Variants in GRK5 observed in about 807,000 individuals in gnomAD.
GRK5 encodes G protein-coupled receptor kinase 5.
In GRK5, 40 loss-of-function variants were observed where a neutral mutation model predicts 78.4. The ratio of observed to expected loss-of-function variants is 0.51; its 90% CI spans 0.40 to 0.66. The LOEUF (loss-of-function observed/expected upper bound fraction) is 0.66. GRK5 is among the 30% of genes least tolerant of loss of function. The pLI, the probability that GRK5 is intolerant of heterozygous loss-of-function variation, is 0.00. For synonymous variants in GRK5, 289 were observed against 296.8 expected (o/e 0.97, Z 0.27); for missense variants, 598 against 759.9 (o/e 0.79, Z 2.50).
intron 1 of GRK5, among the ~76,000 whole-genome samples, chr10:119,304,591 C>A (rs1359270056): frequency 6.6e-6 from 1 of 152,166 alleles, no homozygotes; most frequent in Non-Finnish European, 1.5e-5. Flanking sequence ...GCTCAAAGAG[C>A]TTTTGGCCTA....
At chr10:119,266,928 C>A (rs1237569786) in intron 1 of GRK5, among the ~76,000 whole-genome samples, 4 of 151,958 alleles carry the variant, frequency 2.6e-5, no homozygotes, top group Non-Finnish European at 5.9e-5. Flanking sequence ...GCGTGTGCCA[C>A]CATGCCCAGT....
intron 5 of GRK5, 119 bp downstream of exon 5, chr10:119,423,385 C>G (rs1298167135): frequency 1.2e-5 from 8 of 674,602 alleles, no homozygotes; most frequent in Admixed American, 2.4e-5. Context: ...CAGCTTCAGC[C>G]AAGTTATACC....
intron 1 of GRK5, among the ~76,000 whole-genome samples, chr10:119,292,049 T>C (rs1051647554): frequency 5.6e-4 from 19 of 34,002 alleles, no homozygotes; most frequent in East Asian, 1.1e-3. Context: ...TCTTCCTCCT[T>C]CTCCTCCTCC....
At chr10:119,306,333 A>C (rs1850271639) in intron 1 of GRK5, among the ~76,000 whole-genome samples, 1 of 152,178 alleles carries the variant, frequency 6.6e-6, no homozygotes, top group African/African-American at 2.4e-5. Context: ...CCTGAACTGC[A>C]CACACCGATA....
chr10:119,347,694 C>A (rs1250576249), intron 2 of GRK5, among the ~76,000 whole-genome samples: 1 of 152,232 alleles, frequency 6.6e-6, no homozygotes, highest in Non-Finnish European at 1.5e-5. Flanking sequence ...CAGCCCTGGG[C>A]CTTAAGCCAG....
chr10:119,409,874 C>T (rs1041483233), intron 4 of GRK5, among the ~76,000 whole-genome samples: 2 of 152,210 alleles, frequency 1.3e-5, no homozygotes, highest in Admixed American at 1.3e-4. Flanking sequence ...GGGACACTCC[C>T]CACCGTTTCC....
rs544088426 is a variant in GRK5 at position 119,455,180 on chromosome 10, C to T, written c.*113C>T. The T allele has an allele frequency of 2.7e-4, 231 of 868,298 alleles. No individual in the cohort carries two copies. In the Middle Eastern group the frequency reaches 3.0e-3, roughly 11 times the overall value. The allele number at this position is 868,298 out of a possible 1,614,324, so 53.8% of individuals were successfully genotyped here. Reference sequence around the variant, plus strand: ...GGCTGCCAGGGGAGACCCCGGGAGCCGGGGAAGGAGGCCGTCCATCCCGTC... The same window carrying T: ...GGCTGCCAGGGGAGACCCCGGGAGCTGGGGAAGGAGGCCGTCCATCCCGTC... On this transcript the variant is annotated 3_prime_UTR_variant, in exon 16 of 16. Transcript: ENST00000392870.
intron 1 of GRK5, among the ~76,000 whole-genome samples, chr10:119,320,759 A>G (rs772301350): frequency 6.6e-6 from 1 of 152,262 alleles, no homozygotes; most frequent in African/African-American, 2.4e-5. Context: ...GAATGGGACC[A>G]AGGAGAACGG....
rs952481086 is a variant in GRK5, at chr10:119,448,146, G to A, written c.1290G>A (p.Gln430=). The A allele has an allele frequency of 4.5e-6, 7 of 1,562,402 alleles. No homozygotes were observed. Among genetic ancestry groups the A allele is most frequent in the Non-Finnish European group, 5.2e-6 (6 of 1,160,660 alleles). Residue 430 remains glutamine (Q), a synonymous_variant, in exon 13 of 16, where the codon CAG becomes CAA. Transcript: ENST00000392870. The part of the protein sequence containing the change: ...CKMLLTKDAK[Q]RLGCQEEGAA... ...AGCTGCTCACGAAAGATGCGAAGCA[G>A]AGGCTGGGCTGCCAGGAGGAGGGGG...
At chr10:119,219,024 A>G (rs1564852318) in intron 1 of GRK5, among the ~76,000 whole-genome samples, 1 of 150,368 alleles carries the variant, frequency 6.7e-6, no homozygotes, top group Non-Finnish European at 1.5e-5. Context: ...CAGTCTCCCA[A>G]GCAGCTGGGA....
chr10:119,344,517 G>A (rs1177595652), intron 2 of GRK5, among the ~76,000 whole-genome samples: 1 of 152,174 alleles, frequency 6.6e-6, no homozygotes, highest in Non-Finnish European at 1.5e-5. Flanking sequence ...ACCTGTCAGA[G>A]CTCTCCAAGC....
intron 1 of GRK5, among the ~76,000 whole-genome samples, chr10:119,317,111 G>C (rs959727800): frequency 6.6e-6 from 1 of 152,198 alleles, no homozygotes; most frequent in Non-Finnish European, 1.5e-5. Context: ...ACAGTGACAA[G>C]TTGGGGCCTA....
At chr10:119,400,598 G>C (rs762585443) in intron 4 of GRK5, among the ~76,000 whole-genome samples, 4 of 152,180 alleles carry the variant, frequency 2.6e-5, no homozygotes, top group Non-Finnish European at 4.4e-5. Flanking sequence ...CGCACAGGAT[G>C]GGCAGTGCTG....
At chr10:119,443,917 T>G (rs1853091245) in intron 12 of GRK5, among the ~76,000 whole-genome samples, 165 bp downstream of exon 12, 2 of 151,948 alleles carry the variant, frequency 1.3e-5, no homozygotes. Context: ...CTCCTTGCTG[T>G]GGACTGGGGT....
chr10:119,453,511 C>T (rs1853338310), intron 15 of GRK5, among the ~76,000 whole-genome samples: 1 of 152,200 alleles, frequency 6.6e-6, no homozygotes, highest in Admixed American at 6.5e-5. Context: ...TGGGTTTCTC[C>T]GCCTTGACAC....
intron 1 of GRK5, among the ~76,000 whole-genome samples, chr10:119,297,267 T>C (rs11815427): frequency 0.082 from 12,508 of 152,258 alleles, 1,396 homozygotes; most frequent in African/African-American, 0.25. Context: ...GCTGTAGTGT[T>C]GGCCTAGAAC....
In GRK5 at chr10:119,238,519, A is replaced by C. The variant is rs550480747; in HGVS notation, c.52+30550A>C. The stretch of plus-strand genomic sequence containing the variant: ...CTGGAACTGCGTTTAGTCTCAGTAC[A>C]TTAGGATTATTGCTAGAAATAAAGC... On this transcript the variant is annotated intron_variant, in intron 1 of 15. Coordinates refer to ENST00000392870, the MANE Select transcript of GRK5 (RefSeq NM_005308.3). This position sits in a 1 kb window ranked among gnomAD's most constrained non-coding sequence, Gnocchi z 4.7. Among the ~76,000 whole-genome samples, 1 of 152,080 alleles carries C rather than the reference A, an allele frequency of 6.6e-6. No homozygotes were observed. Among genetic ancestry groups the C allele is most frequent in the African/African-American group, 2.4e-5 (1 of 41,412 alleles).
intron 3 of GRK5, among the ~76,000 whole-genome samples, chr10:119,394,744 T>G (rs149925084): frequency 1.8e-4 from 11 of 62,034 alleles, no homozygotes; most frequent in African/African-American, 3.4e-4. Flanking sequence ...TGGGTGTGTG[T>G]GTGTCTGTGT....
intron 3 of GRK5, 54 bp downstream of exon 3, chr10:119,380,981 T>A: frequency 8.6e-7 from 1 of 1,157,536 alleles, no homozygotes; most frequent in Non-Finnish European, 1.3e-6. Flanking sequence ...TCAGTGATTG[T>A]TTTGGCTCAA....
Sources: gnomAD v4.1 joint callset for allele counts (sites outside exome capture counted in the v4.1 genomes callset) on GRCh38, gnomAD v4.1.1 for gene constraint, Gnocchi (gnomAD v3.1) non-coding constraint, MANE v1.5 for transcripts, NCBI Gene and HGNC (gene_info 2026-07-23, HGNC 2026-07-21) for gene names.